Variants in IGSF21 observed in about 807,000 individuals in gnomAD.
IGSF21 encodes immunoglobulin superfamily member 21.
IGSF21 carries 28 observed loss-of-function variants against 46.8 expected under a neutral mutation model. The ratio of observed to expected loss-of-function variants is 0.60; its 90% CI spans 0.44 to 0.82. IGSF21 has a LOEUF of 0.82. Ranked by LOEUF, IGSF21 falls within the 40% of genes least tolerant of loss-of-function variation. The probability of loss-of-function intolerance (pLI) is 0.00; values close to 1 mark genes in which losing one functional copy is unlikely to be tolerated. For missense variants in IGSF21, 624 were observed against 665.5 expected (o/e 0.94, Z 0.69); for synonymous variants, 284 against 273.6 (o/e 1.04, Z -0.38).
chr1:18,335,593 G>A lies in IGSF21; in HGVS notation c.424+583G>A, dbSNP rs879317420. 9.9e-5 allele frequency among the ~76,000 whole-genome samples: 15 copies of A among 152,182 alleles called. No homozygotes were observed. Among genetic ancestry groups the A allele is most frequent in the African/African-American group, 1.7e-4 (7 of 41,450 alleles). On this transcript the variant is annotated intron_variant, in intron 4 of 9. Transcript: ENST00000251296. The surrounding 1 kb of genome is among the most constrained non-coding windows in gnomAD (Gnocchi z 4.8). The stretch of plus-strand genomic sequence containing the variant: ...GTAAAACAAGAATGCTGCTCTGCAC[G>A]TTCTCAGAAGCCCCCACTGGCTCTA...
At chr1:18,252,893 G>T (rs1011701228) in intron 2 of IGSF21, among the ~76,000 whole-genome samples, 3 of 152,098 alleles carry the variant, frequency 2.0e-5, no homozygotes, top group African/African-American at 7.2e-5. Flanking sequence ...TGCCAGCCTC[G>T]CCAGGTTGTT....
intron 2 of IGSF21, among the ~76,000 whole-genome samples, chr1:18,261,752 G>T (rs1399577493): frequency 1.3e-5 from 2 of 152,338 alleles, no homozygotes; most frequent in African/African-American, 4.8e-5. Flanking sequence ...TAACCTTGAA[G>T]ATGCCAGAGG....
At chr1:18,129,141 G>A (rs765117573) in intron 1 of IGSF21, among the ~76,000 whole-genome samples, 4 of 152,144 alleles carry the variant, frequency 2.6e-5, no homozygotes, top group South Asian at 2.1e-4. Flanking sequence ...AGGGAGATAC[G>A]TTTTAATCTT....
chr1:18,185,923 T>C (rs1410320414), intron 1 of IGSF21, among the ~76,000 whole-genome samples: 28 of 152,188 alleles, frequency 1.8e-4, no homozygotes, highest in Admixed American at 1.8e-3. Context: ...TTCTATAAAA[T>C]AGGTGCACTG....
chr1:18,349,272 A>G (rs1370447895), intron 4 of IGSF21, among the ~76,000 whole-genome samples: 2 of 152,152 alleles, frequency 1.3e-5, no homozygotes, highest in Admixed American at 6.5e-5. Flanking sequence ...CTTAAGGTCC[A>G]GTGTTGGCCC....
At chr1:18,288,332 G>A (rs1312419406) in intron 2 of IGSF21, among the ~76,000 whole-genome samples, 1 of 152,172 alleles carries the variant, frequency 6.6e-6, no homozygotes, top group African/African-American at 2.4e-5. Context: ...GGCTCCTTCA[G>A]AAGTGTCAGA....
At chr1:18,325,726 T>A (rs994715619) in intron 3 of IGSF21, among the ~76,000 whole-genome samples, 5 of 151,966 alleles carry the variant, frequency 3.3e-5, no homozygotes, top group African/African-American at 1.2e-4. Flanking sequence ...CACCACAAGG[T>A]CTAGGGAGGC....
rs575916437 is a variant in IGSF21, at chr1:18,363,869, A to C, written c.541-1354A>C. Reference sequence around the variant, plus strand: ...GGTGGGGTGGTGGGCAGGGGAACAGAGACAAGCCTCAGTCCCTAGGAAGTG... The same window carrying C: ...GGTGGGGTGGTGGGCAGGGGAACAGCGACAAGCCTCAGTCCCTAGGAAGTG... On this transcript the variant is annotated intron_variant, in intron 5 of 9. Coordinates refer to ENST00000251296, the MANE Select transcript of IGSF21 (RefSeq NM_032880.5). Among the ~76,000 whole-genome samples the C allele has an allele frequency of 4.9e-3, 749 of 152,174 alleles. 1 individual carries two copies. The highest frequency in any genetic ancestry group is 7.6e-3 in the Non-Finnish European group (515 of 68,004).
At chr1:18,233,719 A>C (rs1206558837) in intron 2 of IGSF21, among the ~76,000 whole-genome samples, 1 of 152,152 alleles carries the variant, frequency 6.6e-6, no homozygotes, top group East Asian at 1.9e-4. Flanking sequence ...CACCACGGTT[A>C]GATTCCTTGA....
chr1:18,232,065 C>T (rs1397194504), intron 2 of IGSF21, among the ~76,000 whole-genome samples: 1 of 151,826 alleles, frequency 6.6e-6, no homozygotes, highest in Non-Finnish European at 1.5e-5. Context: ...TGCTGAGTAT[C>T]GTAGTTGTCT....
At chr1:18,208,585 G>T (rs1421355066) in intron 1 of IGSF21, among the ~76,000 whole-genome samples, 2 of 123,494 alleles carry the variant, frequency 1.6e-5, no homozygotes, top group East Asian at 2.3e-4. Context: ...TTTTAGTAGA[G>T]ACCGGGTTTC....
intron 1 of IGSF21, among the ~76,000 whole-genome samples, chr1:18,189,655 C>A (rs1203087713): frequency 1.3e-5 from 2 of 151,842 alleles, no homozygotes; most frequent in Admixed American, 6.6e-5. Flanking sequence ...GAGCTCACAA[C>A]CTAGATCCCT....
chr1:18,142,882 C>T (rs1232994508), intron 1 of IGSF21, among the ~76,000 whole-genome samples: 1 of 152,168 alleles, frequency 6.6e-6, no homozygotes, highest in African/African-American at 2.4e-5. Context: ...GCCTGGGCAG[C>T]CCCCAGTGGC....
chr1:18,170,072 C>T (rs1206371413), intron 1 of IGSF21, among the ~76,000 whole-genome samples: 1 of 152,172 alleles, frequency 6.6e-6, no homozygotes, highest in Non-Finnish European at 1.5e-5. Context: ...ACAGCAGGCG[C>T]CCAGGAAGTG....
chr1:18,172,468 C>T (rs1006381327), intron 1 of IGSF21, among the ~76,000 whole-genome samples: 1 of 152,202 alleles, frequency 6.6e-6, no homozygotes, highest in Non-Finnish European at 1.5e-5. Flanking sequence ...GGCTGGAAGT[C>T]TGAGATCAGG....
chr1:18,370,033 C>T (rs1281490146), intron 6 of IGSF21, among the ~76,000 whole-genome samples: 2 of 152,140 alleles, frequency 1.3e-5, no homozygotes, highest in Non-Finnish European at 2.9e-5. Context: ...CATCATTAAG[C>T]CCTGGCAGCT....
chr1:18,212,506 C>T (rs534681704), intron 1 of IGSF21, among the ~76,000 whole-genome samples: 1 of 152,316 alleles, frequency 6.6e-6, no homozygotes, highest in South Asian at 2.1e-4. Context: ...CCCATTTTTC[C>T]GATGAGATAG....
At chr1:18,214,326 C>A (rs988417908) in intron 1 of IGSF21, among the ~76,000 whole-genome samples, 3 of 152,138 alleles carry the variant, frequency 2.0e-5, no homozygotes, top group Non-Finnish European at 4.4e-5. Context: ...CATTTGAGGT[C>A]CCTGGTGGCC....
At chr1:18,149,053 TA>T (rs1187512112) in intron 1 of IGSF21, among the ~76,000 whole-genome samples, 1 of 152,200 alleles carries the variant, frequency 6.6e-6, no homozygotes, top group Non-Finnish European at 1.5e-5. Flanking sequence ...TCTGCCAGGC[TA>T]AGTGCATGGA....
Sources: gnomAD v4.1 joint callset for allele counts (sites outside exome capture counted in the v4.1 genomes callset) on GRCh38, gnomAD v4.1.1 for gene constraint, Gnocchi (gnomAD v3.1) non-coding constraint, MANE v1.5 for transcripts, NCBI Gene and HGNC (gene_info 2026-07-23, HGNC 2026-07-21) for gene names.